The following TRIQK variants were observed in gnomAD, a reference collection of about 807,000 sequenced individuals.
TRIQK encodes the protein triple QxxK/R motif containing.
A neutral mutation model predicts 10.8 loss-of-function variants in TRIQK; 10 were observed. The ratio of observed to expected loss-of-function variants is 0.92; its 90% confidence interval spans 0.57 to 1.57. The LOEUF (loss-of-function observed/expected upper bound fraction) is 1.57, where lower values mean the gene tolerates loss of function less well. Among genes scored for constraint, TRIQK ranks in the 40% most tolerant of loss-of-function variants. The pLI is 0.00. For missense variants in TRIQK, 107 were observed against 97.7 expected, an observed-to-expected ratio of 1.09 and a Z score of -0.40; for synonymous variants, 33 against 33.7, an observed-to-expected ratio of 0.98 and a Z score of 0.07.
chr8:93,013,322 G>T (rs973822120), intron 1 of TRIQK, among the ~76,000 whole-genome samples: 21 of 152,000 alleles, frequency 1.4e-4, no homozygotes, highest in African/African-American at 4.4e-4. Context: ...CTGTTTCTTT[G>T]TCTGTCTTGC....
chr8:92,962,658 A>G (rs1812517869), intron 1 of TRIQK, among the ~76,000 whole-genome samples: 1 of 152,198 alleles, frequency 6.6e-6, no homozygotes, highest in Non-Finnish European at 1.5e-5. Context: ...TCCTGGCCTC[A>G]GATCCCACTT....
intron 1 of TRIQK, among the ~76,000 whole-genome samples, chr8:93,006,034 C>CAA (rs58693078): frequency 3.1e-5 from 4 of 130,978 alleles, no homozygotes; most frequent in African/African-American, 7.9e-5. Context: ...AAAAAATAAG[C>CAA]AAAAAAAAAA....
intron 1 of TRIQK, among the ~76,000 whole-genome samples, chr8:92,958,182 A>C (rs1024682928): frequency 5.3e-5 from 8 of 152,018 alleles, no homozygotes; most frequent in South Asian, 4.1e-4. Flanking sequence ...CCCAATCACT[A>C]AACTTCTTTT....
At chr8:92,896,730 C>T (rs1234713460) in intron 3 of TRIQK, among the ~76,000 whole-genome samples, 1 of 151,852 alleles carries the variant, frequency 6.6e-6, no homozygotes, top group African/African-American at 2.4e-5. Context: ...TGCTTGGAAT[C>T]TGTTACTACT....
chr8:92,967,309 G>A (rs1812791154), upstream of TRIQK, among the ~76,000 whole-genome samples: 2 of 151,732 alleles, frequency 1.3e-5, no homozygotes, highest in African/African-American at 4.8e-5. Flanking sequence ...AAAAAAAAGA[G>A]TACCTCTGGA....
intron 3 of TRIQK, among the ~76,000 whole-genome samples, chr8:92,907,779 G>A (rs1444673632): frequency 6.6e-6 from 1 of 151,800 alleles, no homozygotes; most frequent in African/African-American, 2.4e-5. Context: ...AATAAAACAG[G>A]TTTAACTCTG....
At chr8:92,905,890 T>G (rs1156847680) in intron 3 of TRIQK, among the ~76,000 whole-genome samples, 1 of 152,146 alleles carries the variant, frequency 6.6e-6, no homozygotes, top group African/African-American at 2.4e-5. Context: ...ACCAAATGGA[T>G]AGAGAACTGA....
chr8:92,977,437 T>C (rs1812944463), intron 1 of TRIQK, among the ~76,000 whole-genome samples: 1 of 152,164 alleles, frequency 6.6e-6, no homozygotes, highest in African/African-American at 2.4e-5. Context: ...GCTCATATTT[T>C]CCAATATTAA....
intron 1 of TRIQK, among the ~76,000 whole-genome samples, chr8:92,991,498 ATG>A (rs1333135215): frequency 6.6e-6 from 1 of 152,152 alleles, no homozygotes; most frequent in East Asian, 1.9e-4. Context: ...TATTAATGGA[ATG>A]TATCTCAAAA....
At chr8:93,009,464 C>A (rs549470176) in intron 1 of TRIQK, among the ~76,000 whole-genome samples, 2 of 152,046 alleles carry the variant, frequency 1.3e-5, no homozygotes, top group East Asian at 3.9e-4. Flanking sequence ...CAAAAATTAT[C>A]CAGGCATAAT....
rs74844680 is a variant in TRIQK at position 92,902,449 on chromosome 8, G to T, written c.62-10375C>A. On this transcript the variant is annotated intron_variant, in intron 3 of 4. Coordinates refer to ENST00000521988, the MANE Select transcript of TRIQK (RefSeq NM_001171797.2). The stretch of plus-strand genomic sequence containing the variant: ...GTCTCTTAACACCACATGGCCAAAG[G>T]TGAAGTACGGGAAAGGGGTGGTATA... 3.3e-5 allele frequency among the ~76,000 whole-genome samples: 5 copies of T among 152,224 alleles called. No homozygotes were observed. In the East Asian group the frequency reaches 9.7e-4, roughly 29 times the overall value.
At chr8:92,898,642 G>A (rs916759228) in intron 3 of TRIQK, among the ~76,000 whole-genome samples, 4 of 151,218 alleles carry the variant, frequency 2.6e-5, no homozygotes, top group Non-Finnish European at 5.9e-5. Context: ...TTAGTATGTT[G>A]GATTTTTACA....
At chr8:92,994,958 C>T (rs1360029233) in intron 1 of TRIQK, among the ~76,000 whole-genome samples, 2 of 151,916 alleles carry the variant, frequency 1.3e-5, no homozygotes, top group African/African-American at 4.8e-5. Context: ...AGTTATGTTA[C>T]TAATTCACAG....
chr8:93,016,922 T>C (rs1378564521), intron 1 of TRIQK, among the ~76,000 whole-genome samples: 1 of 152,148 alleles, frequency 6.6e-6, no homozygotes, highest in Admixed American at 6.5e-5. Flanking sequence ...TGATGTAATA[T>C]ACAACAATTT....
At chr8:93,015,571 T>C (rs1450200964) in intron 1 of TRIQK, among the ~76,000 whole-genome samples, 3 of 151,904 alleles carry the variant, frequency 2.0e-5, no homozygotes, top group African/African-American at 7.2e-5. Context: ...TGCAACTTTC[T>C]AACAAATCCT....
At chr8:92,933,725 T>C (rs1810848955) in intron 2 of TRIQK, among the ~76,000 whole-genome samples, 1 of 152,146 alleles carries the variant, frequency 6.6e-6, no homozygotes. Flanking sequence ...TTTAAAAATA[T>C]AGCTTGTCTA....
chr8:92,889,309 T>A (rs1816644512), intron 4 of TRIQK, among the ~76,000 whole-genome samples: 1 of 151,646 alleles, frequency 6.6e-6, no homozygotes, highest in Non-Finnish European at 1.5e-5. Context: ...ATTAAATCTA[T>A]AAGTGATTTC....
At chr8:92,932,081 C>T (rs2130557734) in intron 2 of TRIQK, among the ~76,000 whole-genome samples, 1 of 152,230 alleles carries the variant, frequency 6.6e-6, no homozygotes, top group Non-Finnish European at 1.5e-5. Context: ...CGTCAGCTTC[C>T]AAGTCAGCAC....
intron 1 of TRIQK, among the ~76,000 whole-genome samples, chr8:92,980,374 T>C (rs181789618): frequency 6.6e-6 from 1 of 152,182 alleles, no homozygotes; most frequent in East Asian, 1.9e-4. Context: ...GGGGTGTGTG[T>C]GTGTGTGTGT....
Sources: gnomAD v4.1 joint callset for allele counts (sites outside exome capture counted in the v4.1 genomes callset) on GRCh38, gnomAD v4.1.1 for gene constraint, MANE v1.5 for transcripts, NCBI Gene and HGNC (gene_info 2026-07-23, HGNC 2026-07-21) for gene names.